PLCB1: variants seen among roughly 807,000 people sequenced by gnomAD.
PLCB1 encodes 1-phosphatidylinositol 4,5-bisphosphate phosphodiesterase beta-1.
In PLCB1, 46 loss-of-function variants were observed where a neutral mutation model predicts 161.8. The ratio of observed to expected loss-of-function variants is 0.28; its 90% confidence interval spans 0.22 to 0.36. PLCB1 has a LOEUF of 0.36. Among genes scored for constraint, PLCB1 ranks in the 10% least tolerant of loss-of-function variants. PLCB1 has a pLI of 1.00. For missense variants in PLCB1, 1,016 were observed against 1,472.5 expected (o/e 0.69, Z 5.07); for synonymous variants, 517 against 503.7 (o/e 1.03, Z -0.35).
Position 8,765,085 on chromosome 20 carries a change from CA to C in PLCB1, c.2711-53del, listed in dbSNP as rs972228005. ...CTAAGAAGGTAGCCGCTCTTCTTTC[CA>C]TCTGGATGTTCAGCCCTCCCATTCC... On this transcript the variant is annotated intron_variant, in intron 25 of 31. Coordinates refer to ENST00000338037, the MANE Select transcript of PLCB1 (RefSeq NM_015192.4). 5.0e-6 allele frequency: 7 copies of C among 1,390,966 alleles called. No individual in the cohort carries two copies. In the African/African-American group the frequency reaches 1.0e-4, roughly 20 times the overall value. 86.2% of individuals were successfully genotyped at this position (1,390,966 alleles called of 1,614,324 possible).
intron 10 of PLCB1, among the ~76,000 whole-genome samples, chr20:8,689,565 C>T (rs554529680): frequency 1.3e-5 from 2 of 152,022 alleles, no homozygotes; most frequent in African/African-American, 4.8e-5. Context: ...AATCTTGATA[C>T]CTAACAGATT....
Position 8,628,298 on chromosome 20 carries a change from C to A in PLCB1, c.251C>A (p.Pro84His), listed in dbSNP as rs781293608. 6.2e-7 allele frequency: 1 copy of A among 1,613,318 alleles called. No homozygotes were observed. The highest frequency in any genetic ancestry group is 8.5e-7 in the Non-Finnish European group (1 of 1,179,288). ...TTTTCAATATTTATTACCCAGGACC[C>A]CAAATTACGTGAACTTTTGGATGTG... The part of the protein sequence containing the change: ...CGRHAKAPKD[P>H]KLRELLDVGN... Residue 84 changes from proline to histidine, a missense_variant, in exon 4 of 32, where the codon CCC becomes CAC. By Grantham distance (77) the Pro-to-His change is moderately conservative (BLOSUM62 -2). Coordinates refer to ENST00000338037, the MANE Select transcript of PLCB1 (RefSeq NM_015192.4).
intron 2 of PLCB1, among the ~76,000 whole-genome samples, chr20:8,338,935 A>T (rs547532693): frequency 6.2e-4 from 95 of 152,312 alleles, no homozygotes; most frequent in African/African-American, 2.2e-3. Flanking sequence ...TCTTTCGTGC[A>T]ATGTAATTTT....
intron 3 of PLCB1, among the ~76,000 whole-genome samples, chr20:8,520,230 T>G (rs1402240207): frequency 1.3e-5 from 2 of 152,188 alleles, no homozygotes; most frequent in Non-Finnish European, 2.9e-5. Context: ...AGTAAAGCAG[T>G]TTATTTTGGA....
chr20:8,827,972 C>A (rs1396218497), intron 31 of PLCB1, among the ~76,000 whole-genome samples: 1 of 152,182 alleles, frequency 6.6e-6, no homozygotes, highest in African/African-American at 2.4e-5. Flanking sequence ...TATGTACTCC[C>A]TGGCTCTTTA....
At chr20:8,847,862 G>A (rs1432718979) in intron 31 of PLCB1, among the ~76,000 whole-genome samples, 1 of 152,188 alleles carries the variant, frequency 6.6e-6, no homozygotes, top group Non-Finnish European at 1.5e-5. Flanking sequence ...GCTTTGTGCT[G>A]CTATAACAAA....
At chr20:8,733,736 A>G (rs375062632) in intron 19 of PLCB1, among the ~76,000 whole-genome samples, 6 of 150,356 alleles carry the variant, frequency 4.0e-5, no homozygotes, top group African/African-American at 1.2e-4. Flanking sequence ...ACATGTATAC[A>G]TATGTAACTA....
At chr20:8,747,514 G>C (rs1981232612) in intron 23 of PLCB1, among the ~76,000 whole-genome samples, 1 of 152,146 alleles carries the variant, frequency 6.6e-6, no homozygotes, top group African/African-American at 2.4e-5. Context: ...AGGAAAAGTT[G>C]TTTGGTAATA....
intron 31 of PLCB1, among the ~76,000 whole-genome samples, chr20:8,824,289 T>A (rs1219343617): frequency 2.6e-5 from 4 of 152,046 alleles, no homozygotes; most frequent in Admixed American, 1.3e-4. Flanking sequence ...AAGGGGACAT[T>A]GGGAAAAAGG....
rs59903648 is a variant in PLCB1 at position 8,276,986 on chromosome 20, C to CTTATTATTA, written c.178-94375_178-94367dup. ...TCTTCTTCTTCTTCTTCTTCTTCTT[C>CTTATTATTA]TTATTATTATTATTATTATTATTAT... On this transcript the variant is annotated intron_variant, in intron 2 of 31. Coordinates refer to ENST00000338037, the MANE Select transcript of PLCB1 (RefSeq NM_015192.4). Among the ~76,000 whole-genome samples, 850 of 93,292 alleles carry CTTATTATTA rather than the reference C, an allele frequency of 9.1e-3. 18 individuals are homozygous for CTTATTATTA. The highest frequency in any genetic ancestry group is 0.017 in the East Asian group (50 of 2,880). The allele number at this position is 93,292 out of a possible 152,430, so 61.2% of individuals were successfully genotyped here. A position where few individuals can be genotyped will look rare whatever the true frequency, so the allele number is the denominator to read the frequency against.
intron 2 of PLCB1, among the ~76,000 whole-genome samples, chr20:8,194,041 G>T (rs527777949): frequency 6.6e-6 from 1 of 152,020 alleles, no homozygotes; most frequent in African/African-American, 2.4e-5. Context: ...CATGAGTCCC[G>T]GGTGATACTA....
At chr20:8,670,603 GATAAA>G (rs1162158704) in intron 9 of PLCB1, among the ~76,000 whole-genome samples, 2 of 143,582 alleles carry the variant, frequency 1.4e-5, no homozygotes, top group South Asian at 2.1e-4. Flanking sequence ...TTCAACTTAA[GATAAA>G]ATAATAACAC....
rs184403161 is a variant in PLCB1, at chr20:8,751,299, T to C, written c.2524-5747T>C. On this transcript the variant is annotated intron_variant, in intron 23 of 31. Coordinates refer to ENST00000338037, the MANE Select transcript of PLCB1 (RefSeq NM_015192.4). ...GGAAAGCATGATCCAACACCTCTAA[T>C]AGCCCAGTAATACATATGATATTTG... is the stretch of plus-strand genomic sequence containing the variant. The C allele has an allele frequency of 2.1e-3, 324 of 157,132 alleles. 5 individuals are homozygous for C. Among genetic ancestry groups the C allele is most frequent in the East Asian group, 0.012 (67 of 5,364 alleles). The allele number at this position is 157,132 out of a possible 1,614,324, so 9.7% of individuals were successfully genotyped here.
At chr20:8,367,900 A>G (rs1248392785) in intron 2 of PLCB1, among the ~76,000 whole-genome samples, 4 of 152,076 alleles carry the variant, frequency 2.6e-5, no homozygotes, top group Non-Finnish European at 5.9e-5. Flanking sequence ...GTATGTTAAT[A>G]GAAGTGGGAG....
intron 2 of PLCB1, among the ~76,000 whole-genome samples, chr20:8,160,330 G>A (rs2051609579): frequency 6.6e-6 from 1 of 152,122 alleles, no homozygotes; most frequent in African/African-American, 2.4e-5. Flanking sequence ...CAGTTCCAAA[G>A]TTGCTTCCCC....
intron 12 of PLCB1, among the ~76,000 whole-genome samples, chr20:8,710,406 A>G (rs1978935832): frequency 6.6e-6 from 1 of 152,010 alleles, no homozygotes; most frequent in Admixed American, 6.6e-5. Flanking sequence ...CGGGGGTTAC[A>G]ATTTGACATG....
In PLCB1 at chr20:8,335,846, G is replaced by A. The variant is rs538322260; in HGVS notation, c.178-35536G>A. Among the ~76,000 whole-genome samples the A allele has an allele frequency of 2.0e-5, 3 of 152,240 alleles. No individual in the cohort carries two copies. In the East Asian group the frequency reaches 5.8e-4, roughly 29 times the overall value. ...TCTTTTTTCTATGACTGTTAAAATG[G>A]CATTTTTAAATGAAGAAGTTATTAG... On this transcript the variant is annotated intron_variant, in intron 2 of 31. Transcript: ENST00000338037.
rs752990645 is a variant in PLCB1, at chr20:8,788,577, A to T, written c.3188+52A>T. 3.1e-6 allele frequency: 5 copies of T among 1,596,722 alleles called. No individual in the cohort carries two copies. The South Asian group carries it at 4.5e-5, about 14-fold the overall frequency. ...ACATGTGCATCTGAATTTATTCAAC[A>T]CAAATTCCCATCTGATTTGCCTCTT... is the stretch of plus-strand genomic sequence containing the variant. On this transcript the variant is annotated intron_variant, in intron 28 of 31. Coordinates refer to ENST00000338037, the MANE Select transcript of PLCB1 (RefSeq NM_015192.4).
At chr20:8,757,976 G>T (rs972187827) in intron 24 of PLCB1, among the ~76,000 whole-genome samples, 1 of 151,802 alleles carries the variant, frequency 6.6e-6, no homozygotes, top group Non-Finnish European at 1.5e-5. Context: ...TTGTGTGTAT[G>T]TCCTGTTTAC....
Sources: allele counts gnomAD v4.1 joint callset (sites outside exome capture counted in the v4.1 genomes callset), GRCh38; gene constraint gnomAD v4.1.1; transcripts MANE v1.5; gene names NCBI Gene and HGNC (gene_info 2026-07-23, HGNC 2026-07-21).